The following SEMA3A variants were observed in gnomAD, a reference collection of about 807,000 sequenced individuals.
SEMA3A encodes the protein semaphorin 3A.
Under a neutral mutation model 97.9 loss-of-function variants are expected in SEMA3A, and 29 were observed. The ratio of observed to expected loss-of-function variants is 0.30; its 90% confidence interval spans 0.22 to 0.40. SEMA3A has a LOEUF of 0.40. Among genes scored for constraint, SEMA3A ranks in the 10% least tolerant of loss-of-function variants. SEMA3A has a pLI of 1.00. For synonymous variants in SEMA3A, 321 were observed against 323.7 expected (o/e 0.99, Z 0.09); for missense variants, 763 against 951.3 (o/e 0.80, Z 2.60).
intron 1 of SEMA3A, among the ~76,000 whole-genome samples, chr7:84,452,621 T>TA (rs1562952700): frequency 2.0e-5 from 3 of 152,192 alleles, no homozygotes; most frequent in South Asian, 2.1e-4. Flanking sequence ...TTACTATGTA[T>TA]AAAAAATAGT....
In SEMA3A at chr7:83,963,190, G is replaced by C. The variant is rs770371373; in HGVS notation, c.1860+15C>G. On this transcript the variant is annotated intron_variant, in intron 16 of 16. Transcript: ENST00000265362. The stretch of plus-strand genomic sequence containing the variant: ...ATCTTAGATATAAATGATCCAGTCA[G>C]TTTCATTCCTGTACCTCTTCTTTTC... 6.0e-5 allele frequency: 96 copies of C among 1,611,608 alleles called. No homozygotes were observed. The highest frequency in any genetic ancestry group is 7.6e-5 in the Non-Finnish European group (90 of 1,179,656).
intron 2 of SEMA3A, among the ~76,000 whole-genome samples, chr7:84,328,004 G>T (rs1339222791): frequency 1.3e-5 from 2 of 151,878 alleles, no homozygotes; most frequent in Non-Finnish European, 2.9e-5. Context: ...CTAACTTATT[G>T]GGATAAAGGT....
At chr7:84,163,938 TG>T (rs1417875945) in intron 1 of SEMA3A, among the ~76,000 whole-genome samples, 4 of 151,716 alleles carry the variant, frequency 2.6e-5, no homozygotes, top group Admixed American at 6.6e-5. Flanking sequence ...CTCCGCCTCC[TG>T]GGTTCAAGTG....
At chr7:84,363,913 G>A (rs1382021075) in intron 2 of SEMA3A, among the ~76,000 whole-genome samples, 1 of 151,708 alleles carries the variant, frequency 6.6e-6, no homozygotes, top group Non-Finnish European at 1.5e-5. Flanking sequence ...AGTGTACTGT[G>A]CAGTTTTCCA....
At chr7:84,158,241 G>A (rs1201981002) in intron 1 of SEMA3A, among the ~76,000 whole-genome samples, 3 of 127,972 alleles carry the variant, frequency 2.3e-5, no homozygotes, top group South Asian at 2.6e-4. Flanking sequence ...TGCAACCTCC[G>A]CCTCCCAGGT....
chr7:84,095,976 T>C (rs542589913), intron 4 of SEMA3A, among the ~76,000 whole-genome samples: 2 of 152,190 alleles, frequency 1.3e-5, no homozygotes, highest in East Asian at 3.9e-4. Flanking sequence ...TTACATAATA[T>C]AGTTTATAAT....
At chr7:84,295,812 C>T (rs1405231902) in intron 3 of SEMA3A, among the ~76,000 whole-genome samples, 1 of 151,228 alleles carries the variant, frequency 6.6e-6, no homozygotes, top group Admixed American at 6.6e-5. Context: ...ATTATGATTC[C>T]GAAAATAAAT....
chr7:84,194,064 T>G (rs1321383325), intron 1 of SEMA3A, among the ~76,000 whole-genome samples: 2 of 152,082 alleles, frequency 1.3e-5, no homozygotes, highest in African/African-American at 4.8e-5. Flanking sequence ...TGTCTAAAAC[T>G]AAGAAAATGC....
chr7:84,424,600 A>G (rs1584314182), intron 1 of SEMA3A, among the ~76,000 whole-genome samples: 1 of 48,964 alleles, frequency 2.0e-5, no homozygotes, highest in Middle Eastern at 0.026. Flanking sequence ...TAATATATAA[A>G]TATTAATATA....
chr7:83,985,939 G>A (rs1789615314), intron 12 of SEMA3A, among the ~76,000 whole-genome samples: 1 of 152,190 alleles, frequency 6.6e-6, no homozygotes, highest in Non-Finnish European at 1.5e-5. Context: ...TAAGGCTAAA[G>A]CTATGACTGG....
rs193159092 is a variant in SEMA3A at position 84,227,752 on chromosome 7, C to T, written c.-82-33084G>A. Among the ~76,000 whole-genome samples the T allele has an allele frequency of 2.0e-4, 31 of 152,160 alleles. No homozygotes were observed. The East Asian group carries it at 3.7e-3, about 18-fold the overall frequency. On this transcript the variant is annotated intron_variant, in intron 3 of 3. Coordinates refer to the SEMA3A transcript ENST00000424555. ...ATTTGAATGGAACTGAAATACCCGG[C>T]TTATGCAAAATAACTCCCCCACCAG...
intron 3 of SEMA3A, among the ~76,000 whole-genome samples, chr7:84,258,000 C>T (rs1799756039): frequency 6.6e-6 from 1 of 152,086 alleles, no homozygotes; most frequent in Non-Finnish European, 1.5e-5. Flanking sequence ...TGCAAATACT[C>T]ATGTGACATA....
chr7:84,268,357 G>C lies in SEMA3A; in HGVS notation c.-83+38850C>G, dbSNP rs370972421. On this transcript the variant is annotated intron_variant, in intron 3 of 3. Transcript: ENST00000424555. ...TTTTCCCTTTGGAGTCCCAAGGTAG[G>C]ATGAGGCTAGTTGTGACACTTTCCT... is the stretch of plus-strand genomic sequence containing the variant. Among the ~76,000 whole-genome samples, 16 of 151,052 alleles carry C rather than the reference G, an allele frequency of 1.1e-4. No individual in the cohort carries two copies. In the East Asian group the frequency reaches 2.8e-3, roughly 26 times the overall value.
chr7:84,235,846 A>G (rs1200795989), intron 3 of SEMA3A, among the ~76,000 whole-genome samples: 1 of 152,074 alleles, frequency 6.6e-6, no homozygotes, highest in African/African-American at 2.4e-5. Flanking sequence ...TTGCATCTCA[A>G]GCTCTTTCAC....
At chr7:84,073,863 T>TAAAAAAAAA (rs57789538) in intron 4 of SEMA3A, among the ~76,000 whole-genome samples, 1 of 101,678 alleles carries the variant, frequency 9.8e-6, no homozygotes, top group African/African-American at 3.1e-5. Flanking sequence ...TAAAAAAAGC[T>TAAAAAAAAA]AAAAAAAAAA....
chr7:84,235,367 G>T (rs1467743009), intron 3 of SEMA3A, among the ~76,000 whole-genome samples: 1 of 151,866 alleles, frequency 6.6e-6, no homozygotes, highest in Non-Finnish European at 1.5e-5. Context: ...TAAGTGTCTT[G>T]TATGTGAATA....
chr7:84,178,976 T>G (rs1797654651), intron 1 of SEMA3A, among the ~76,000 whole-genome samples: 1 of 152,134 alleles, frequency 6.6e-6, no homozygotes, highest in Non-Finnish European at 1.5e-5. Context: ...CAAACGGTTC[T>G]TTGATTCCTA....
At chr7:84,244,527 C>T (rs1010910867) in intron 3 of SEMA3A, among the ~76,000 whole-genome samples, 1 of 152,092 alleles carries the variant, frequency 6.6e-6, no homozygotes, top group Admixed American at 6.6e-5. Context: ...ACGGATGGGA[C>T]TTAACTCCTT....
In SEMA3A at chr7:83,965,352, GAAAC is replaced by G. The variant is rs199769793; in HGVS notation, c.1718-2009_1718-2006del. Among the ~76,000 whole-genome samples, 502 of 151,462 alleles carry G rather than the reference GAAAC, an allele frequency of 3.3e-3. 10 individuals are homozygous for G. Among genetic ancestry groups the G allele is most frequent in the Admixed American group, 0.027 (415 of 15,182 alleles). On this transcript the variant is annotated intron_variant, in intron 15 of 16. Coordinates refer to ENST00000265362, the MANE Select transcript of SEMA3A (RefSeq NM_006080.3). ...AATATAGAAAAATCCACTGGATTTAGAAACAAACAACCCAGTGATCTGCCAGCAT... is the reference window on the plus strand; with the variant it reads ...AATATAGAAAAATCCACTGGATTTAGAAACAACCCAGTGATCTGCCAGCAT...
Sources: allele counts gnomAD v4.1 joint callset (sites outside exome capture counted in the v4.1 genomes callset), GRCh38; gene constraint gnomAD v4.1.1; transcripts MANE v1.5; gene names NCBI Gene and HGNC (gene_info 2026-07-23, HGNC 2026-07-21).